MALRD1: variants seen among roughly 807,000 people sequenced by gnomAD.
MALRD1 encodes the protein MAM and LDL receptor class A domain containing 1.
In MALRD1, 247 loss-of-function variants were observed where a neutral mutation model predicts 242.1. The ratio of observed to expected loss-of-function variants is 1.02; its 90% CI spans 0.92 to 1.13. The LOEUF (loss-of-function observed/expected upper bound fraction) is 1.13. Ranked by LOEUF, MALRD1 falls within the 50% of genes most tolerant of loss-of-function variation. MALRD1 has a pLI of 0.00. For synonymous variants in MALRD1, 995 were observed against 866.6 expected (o/e 1.15, Z -2.60); for missense variants, 2,989 against 2,533.1 (o/e 1.18, Z -3.86).
At chr10:19,585,126 C>T (rs141851384) in intron 33 of MALRD1, among the ~76,000 whole-genome samples, 5,891 of 152,194 alleles carry the variant, frequency 0.039, 155 homozygotes, top group South Asian at 0.062. Context: ...TGTCTCTGCT[C>T]GTGAGATGCG....
At chr10:19,117,303 G>A (rs544938669) in intron 5 of MALRD1, among the ~76,000 whole-genome samples, 4 of 152,250 alleles carry the variant, frequency 2.6e-5, no homozygotes, top group African/African-American at 9.6e-5. Context: ...TTTTATGGTT[G>A]TAAATTCCAG....
intron 31 of MALRD1, among the ~76,000 whole-genome samples, chr10:19,512,072 A>G (rs1259773557): frequency 6.6e-6 from 1 of 152,032 alleles, no homozygotes; most frequent in Non-Finnish European, 1.5e-5. Context: ...CTGCAGTATG[A>G]TTGCTTAAAA....
At chr10:19,368,888 TGTTTG>T (rs1845233121) in intron 26 of MALRD1, among the ~76,000 whole-genome samples, 1 of 142,930 alleles carries the variant, frequency 7.0e-6, no homozygotes, top group African/African-American at 2.6e-5. Context: ...TGTGTGTGTG[TGTTTG>T]TGTGTGTGTG....
intron 29 of MALRD1, among the ~76,000 whole-genome samples, chr10:19,463,017 G>A (rs1312882408): frequency 6.6e-6 from 1 of 152,028 alleles, no homozygotes; most frequent in Non-Finnish European, 1.5e-5. Context: ...TAGTTGCGTG[G>A]TTAAATCATA....
At chr10:19,087,599 G>A (rs867909334) in intron 2 of MALRD1, among the ~76,000 whole-genome samples, 2 of 150,886 alleles carry the variant, frequency 1.3e-5, no homozygotes, top group Non-Finnish European at 1.5e-5. Flanking sequence ...ATATCTATGG[G>A]GTACATGAGA....
rs1392136270 is a variant in MALRD1, at chr10:19,387,725, C to T, written c.4639C>T (p.His1547Tyr). ...NFDWVLGVGS[H>Y]QSLRPPKDHT... ...TGATTGGGTTTTAGGGGTTGGCTCTCATCAAAGCTTAAGACCTCCCAAAGA... is the reference window on the plus strand; with the variant it reads ...TGATTGGGTTTTAGGGGTTGGCTCTTATCAAAGCTTAAGACCTCCCAAAGA... Residue 1547 changes from histidine to tyrosine, a missense_variant, in exon 27 of 40, where the codon CAT becomes TAT. Coordinates refer to ENST00000454679, the MANE Select transcript of MALRD1 (RefSeq NM_001142308.3). 1.9e-6 allele frequency: 3 copies of T among 1,550,464 alleles called. No individual in the cohort carries two copies. The highest frequency in any genetic ancestry group is 2.6e-6 in the Non-Finnish European group (3 of 1,146,880).
chr10:19,680,618 G>A (rs1332038259), intron 36 of MALRD1, among the ~76,000 whole-genome samples: 2 of 151,964 alleles, frequency 1.3e-5, no homozygotes, highest in African/African-American at 4.8e-5. Flanking sequence ...TTTTAACTGG[G>A]GCATTTAGCT....
chr10:19,437,129 A>C (rs1674161613), intron 28 of MALRD1, among the ~76,000 whole-genome samples: 1 of 152,152 alleles, frequency 6.6e-6, no homozygotes, highest in South Asian at 2.1e-4. Flanking sequence ...GAAGAAAATG[A>C]CAAACACTCC....
intron 18 of MALRD1, among the ~76,000 whole-genome samples, chr10:19,242,404 T>G (rs1413892810): frequency 6.6e-6 from 1 of 152,130 alleles, no homozygotes; most frequent in Non-Finnish European, 1.5e-5. Context: ...CCAAACCATA[T>G]CAGGTGAGAT....
At chr10:19,290,002 C>A (rs1228308117) in intron 21 of MALRD1, among the ~76,000 whole-genome samples, 1 of 152,200 alleles carries the variant, frequency 6.6e-6, no homozygotes, top group East Asian at 1.9e-4. Context: ...TCAAAATATT[C>A]TCTCGCTTTA....
intron 31 of MALRD1, among the ~76,000 whole-genome samples, chr10:19,516,293 T>C (rs1474563913): frequency 6.6e-6 from 1 of 152,210 alleles, no homozygotes; most frequent in African/African-American, 2.4e-5. Context: ...GTGCTCATTT[T>C]TTTCAGCCAA....
rs766951196 is a variant in MALRD1, at chr10:19,489,160, A to T, written c.5030-2357A>T. On this transcript the variant is annotated intron_variant, in intron 29 of 39. Transcript: ENST00000454679. ...CACAGGAAAAGCCTAACAGGAGGTC[A>T]GCGCTGTTGTCAGGTAAACCTGCTC... The T allele has an allele frequency of 8.5e-6, 4 of 469,642 alleles. No homozygotes were observed. The Admixed American group carries it at 9.4e-5, about 11-fold the overall frequency. 29.1% of individuals were successfully genotyped at this position (469,642 alleles called of 1,614,324 possible).
chr10:19,280,112 A>G lies in MALRD1; in HGVS notation c.3145A>G (p.Asn1049Asp). 6.5e-7 allele frequency: 1 copy of G among 1,545,100 alleles called. No homozygotes were observed. The highest frequency in any genetic ancestry group is 8.7e-7 in the Non-Finnish European group (1 of 1,145,136). The change falls in exon 20 of 40, where the codon AAC becomes GAC. Residue 1049 changes from asparagine to aspartate, a missense_variant. Coordinates refer to ENST00000454679, the MANE Select transcript of MALRD1 (RefSeq NM_001142308.3). The part of the protein sequence containing the change: ...TSVPVTLPPH[N>D]CTDNEFICRS... ...AGTTCCTGTAACATTACCTCCACAC[A>G]ACTGCACAGACAATGAATTTATCTG...
intron 14 of MALRD1, among the ~76,000 whole-genome samples, chr10:19,199,075 A>C (rs1836397255): frequency 6.6e-6 from 1 of 152,200 alleles, no homozygotes; most frequent in Non-Finnish European, 1.5e-5. Flanking sequence ...AATCAAATAA[A>C]GGACAACCTC....
At chr10:19,340,638 G>A (rs1843807771) in intron 24 of MALRD1, among the ~76,000 whole-genome samples, 1 of 152,098 alleles carries the variant, frequency 6.6e-6, no homozygotes, top group South Asian at 2.1e-4. Flanking sequence ...CTGGGAGGAT[G>A]AGGGGAAAGA....
rs536981780 is a variant in MALRD1, at chr10:19,389,472, G to C, written c.4708G>C (p.Ala1570Pro). 6.4e-7 allele frequency: 1 copy of C among 1,550,460 alleles called. No individual in the cohort carries two copies. The highest frequency in any genetic ancestry group is 1.4e-5 in the African/African-American group (1 of 73,162). Reference protein sequence around the residue: ...NENGHFMYLEATAVGLRGDKA... With the variant: ...NENGHFMYLEPTAVGLRGDKA... ...CCTAGGGCACTTCATGTATCTGGAA[G>C]CTACTGCAGTGGGCCTTCGGGGTGA... Residue 1570 changes from alanine to proline, a missense_variant, in exon 28 of 40, where the codon GCT becomes CCT. Ala to Pro is a conservative substitution (Grantham distance 27). Coordinates refer to ENST00000454679, the MANE Select transcript of MALRD1 (RefSeq NM_001142308.3).
chr10:19,575,863 C>T (rs1836794409), intron 33 of MALRD1, among the ~76,000 whole-genome samples: 1 of 152,156 alleles, frequency 6.6e-6, no homozygotes, highest in African/African-American at 2.4e-5. Flanking sequence ...GTAACGGCCA[C>T]ATAACTGATA....
At chr10:19,454,713 T>TAC (rs35489123) in intron 29 of MALRD1, among the ~76,000 whole-genome samples, 31,881 of 132,032 alleles carry the variant, frequency 0.24, 3,570 homozygotes, top group Non-Finnish European at 0.3. Flanking sequence ...CGTGCACACG[T>TAC]ACACACACAC....
At chr10:19,488,282 G>A (rs1837320163) in intron 29 of MALRD1, among the ~76,000 whole-genome samples, 1 of 152,072 alleles carries the variant, frequency 6.6e-6, no homozygotes, top group African/African-American at 2.4e-5. Context: ...GGTTTATAAA[G>A]AGCCAACTAT....
Sources: allele counts gnomAD v4.1 joint callset (sites outside exome capture counted in the v4.1 genomes callset), GRCh38; gene constraint gnomAD v4.1.1; transcripts MANE v1.5; gene names NCBI Gene and HGNC (gene_info 2026-07-23, HGNC 2026-07-21).